Variants in PZP observed in about 807,000 individuals in gnomAD.
PZP encodes the protein PZP alpha-2-macroglobulin like, also known as pregnancy zone protein.
A neutral mutation model predicts 179.8 loss-of-function variants in PZP; 150 were observed. The observed-to-expected ratio is 0.83, with a 90% CI of 0.73 to 0.96. The LOEUF is 0.96. Among genes scored for constraint, PZP ranks in the 40% least tolerant of loss-of-function variants. PZP has a pLI of 0.00. For synonymous variants in PZP, 624 were observed against 652.3 expected (o/e 0.96, Z 0.66); for missense variants, 1,689 against 1,764.0 (o/e 0.96, Z 0.76).
At position 9,170,823 on chromosome 12, in the gene PZP, T is replaced by A. The variant is rs983045966; in HGVS notation, c.1840-1232A>T. 5.9e-5 allele frequency among the ~76,000 whole-genome samples: 9 copies of A among 152,088 alleles called. No individual in the cohort carries two copies. The highest frequency in any genetic ancestry group is 1.9e-4 in the African/African-American group (8 of 41,402). ...GGGGCTTCAGGTACTCCAGCCAGGGTTCTAAAGACAGAGCTTTGATCTCTC... is the reference window on the plus strand; with the variant it reads ...GGGGCTTCAGGTACTCCAGCCAGGGATCTAAAGACAGAGCTTTGATCTCTC... On this transcript the variant is annotated intron_variant, in intron 15 of 35. Coordinates refer to ENST00000261336, the MANE Select transcript of PZP (RefSeq NM_002864.3). The surrounding 1 kb of genome is among the most constrained non-coding windows in gnomAD (Gnocchi z 4.6).
intron 29 of PZP, 134 bp from the exon 30 acceptor site, chr12:9,153,477 T>C: frequency 1.6e-6 from 1 of 624,688 alleles, no homozygotes; most frequent in Non-Finnish European, 2.8e-6. Flanking sequence ...CTAATTACCT[T>C]TCCTTTTTCT....
In PZP at chr12:9,171,358, A is replaced by C. The variant is rs765497064; in HGVS notation, c.1840-1767T>G. ...CTAACACAAATCTAATTCAAAGGGC[A>C]GCAGCCTCAAGGATTAAAGGTAGAT... On this transcript the variant is annotated intron_variant, in intron 15 of 35. Transcript: ENST00000261336. Among the ~76,000 whole-genome samples the C allele has an allele frequency of 3.3e-5, 5 of 152,338 alleles. No homozygotes were observed. The South Asian group carries it at 1.0e-3, about 32-fold the overall frequency.
rs1352802866 is a variant in PZP, at chr12:9,182,021, A to G, written c.1643T>C (p.Val548Ala). Reference sequence around the variant, plus strand: ...AATCTCAAATTTTTCAGAGTCTCCAACAACTTCTCCATCTGGTAAAATGGC... The same window carrying G: ...AATCTCAAATTTTTCAGAGTCTCCAGCAACTTCTCCATCTGGTAAAATGGC... ...IFAILPDGEV[V>A]GDSEKFEIEN... The change falls in exon 14 of 36, where the codon GTT becomes GCT. Residue 548 changes from valine to alanine, a missense_variant. By Grantham distance (64) the Val-to-Ala change is moderately conservative (BLOSUM62 0). Coordinates refer to ENST00000261336, the MANE Select transcript of PZP (RefSeq NM_002864.3). 1.9e-6 allele frequency: 3 copies of G among 1,613,968 alleles called. No individual in the cohort carries two copies. The highest frequency in any genetic ancestry group is 1.6e-4 in the Middle Eastern group (1 of 6,062).
chr12:9,197,658 AAAATTATT>A (rs1943885979), intron 7 of PZP, among the ~76,000 whole-genome samples: 1 of 108,012 alleles, frequency 9.3e-6, no homozygotes, highest in African/African-American at 3.9e-5. Flanking sequence ...AATATAATAT[AAAATTATT>A]ATATATATTA....
chr12:9,152,272 A>ACAAT lies in PZP; in HGVS notation c.4156_4159dup (p.Val1387AspfsTer3), dbSNP rs758711457. ...AAAACCAGATACCATCTTTACATCA[A>ACAAT]CAATCACCATATTGGAAGCAGGACG... On this transcript the variant is annotated frameshift_variant, in exon 32 of 36. Coordinates refer to ENST00000261336, the MANE Select transcript of PZP (RefSeq NM_002864.3). LOFTEE classifies it high-confidence loss of function. 6.2e-7 allele frequency: 1 copy of ACAAT among 1,613,408 alleles called. No individual in the cohort carries two copies. The highest frequency in any genetic ancestry group is 2.2e-5 in the East Asian group (1 of 44,854).
At position 9,200,353 on chromosome 12, in the gene PZP, A is replaced by G; in HGVS notation, c.755+11T>C. On this transcript the variant is annotated intron_variant, in intron 7 of 35. Transcript: ENST00000261336. ...AAATATAAAATTTTAGATAAAAACA[A>G]TGTAACTCACTCTCCACAGACTGTT... 6.4e-7 allele frequency: 1 copy of G among 1,560,790 alleles called. No individual in the cohort carries two copies. The highest frequency in any genetic ancestry group is 8.8e-7 in the Non-Finnish European group (1 of 1,137,786).
intron 28 of PZP, among the ~76,000 whole-genome samples, chr12:9,155,298 T>G (rs1189238152): frequency 2.0e-5 from 3 of 152,098 alleles, no homozygotes; most frequent in Non-Finnish European, 2.9e-5. Flanking sequence ...TTTTCTTTCT[T>G]TTTTTTTCTC....
At chr12:9,174,100 C>G (rs1942193988) in intron 15 of PZP, among the ~76,000 whole-genome samples, 1 of 152,176 alleles carries the variant, frequency 6.6e-6, no homozygotes, top group Non-Finnish European at 1.5e-5. Context: ...CAAACCAAAT[C>G]CAGCAGCACG....
rs1940932002 is a variant in PZP, at chr12:9,158,580, G to T, written c.3138-4C>A. ...CTTCAGTACAAAAGCTGTGAGCCTA[G>T]GGGGAGGAAAAATGCAGTGCTGAGG... is the stretch of plus-strand genomic sequence containing the variant. On this transcript the variant is annotated splice_polypyrimidine_tract_variant and splice_region_variant and intron_variant, in intron 25 of 35. Transcript: ENST00000261336. The T allele has an allele frequency of 1.2e-6, 2 of 1,613,714 alleles. No homozygotes were observed. Among genetic ancestry groups the T allele is most frequent in the African/African-American group, 2.7e-5 (2 of 74,900 alleles).
At chr12:9,146,437 G>A (rs1304021457), downstream of PZP, among the ~76,000 whole-genome samples, 2 of 151,990 alleles carry the variant, frequency 1.3e-5, no homozygotes, top group Non-Finnish European at 2.9e-5. Flanking sequence ...TGACTTCAGT[G>A]AGCATCTTTA....
chr12:9,207,359 C>T (rs1944488132), intron 1 of PZP, among the ~76,000 whole-genome samples: 2 of 152,172 alleles, frequency 1.3e-5, no homozygotes, highest in Admixed American at 1.3e-4. Context: ...AGAGTTCTCA[C>T]CATTCTCTGG....
intron 13 of PZP, among the ~76,000 whole-genome samples, chr12:9,191,315 G>T (rs1037878661): frequency 5.9e-5 from 9 of 151,870 alleles, no homozygotes; most frequent in Admixed American, 5.2e-4. Flanking sequence ...TACACAGTGG[G>T]GTCCATTCTC....
intron 13 of PZP, among the ~76,000 whole-genome samples, chr12:9,183,082 T>C (rs1341496143): frequency 6.6e-6 from 1 of 152,250 alleles, no homozygotes; most frequent in Non-Finnish European, 1.5e-5. Flanking sequence ...ACAATTAGAA[T>C]TGTAGAAGAA....
At chr12:9,138,423 A>AT in the PZP span, among the ~76,000 whole-genome samples, 1 of 151,086 alleles carries the variant, frequency 6.6e-6, no homozygotes, top group African/African-American at 2.4e-5. Context: ...TTTTTAAAAT[A>AT]TTTTTTGCAT....
At chr12:9,198,518 C>G (rs373923625) in intron 7 of PZP, among the ~76,000 whole-genome samples, 101 of 152,106 alleles carry the variant, frequency 6.6e-4, no homozygotes, top group African/African-American at 2.4e-3. Context: ...CACAGACACA[C>G]GCACACGTGC....
At chr12:9,142,550 C>T in the PZP span, among the ~76,000 whole-genome samples, 1 of 152,124 alleles carries the variant, frequency 6.6e-6, no homozygotes, top group Non-Finnish European at 1.5e-5. Flanking sequence ...TTTACTTTTC[C>T]TCTAAAAATA....
At chr12:9,157,026 A>G (rs1940807158) in intron 28 of PZP, 149 bp downstream of exon 28, 1 of 619,784 alleles carries the variant, frequency 1.6e-6, no homozygotes, top group Non-Finnish European at 2.6e-6. Flanking sequence ...GTATCAGCCC[A>G]TCACCTGGTT....
rs759905045 is a variant in PZP at position 9,196,796 on chromosome 12, T to C, written c.868-111A>G. The C allele has an allele frequency of 8.7e-6, 8 of 914,338 alleles. No homozygotes were observed. In the South Asian group the frequency reaches 1.0e-4, roughly 12 times the overall value. The allele number at this position is 914,338 out of a possible 1,614,324, so 56.6% of individuals were successfully genotyped here. A position where few individuals can be genotyped will look rare whatever the true frequency, so the allele number is the denominator to read the frequency against. On this transcript the variant is annotated intron_variant, in intron 8 of 35. Transcript: ENST00000261336. ...AAACTTTTTTTTTGCATTAAGTAAG[T>C]TAATTGACCTTCGAGAACTTAATAC...
intron 7 of PZP, 63 bp from the exon 8 acceptor site, chr12:9,197,186 T>G: frequency 5.6e-6 from 6 of 1,069,682 alleles, no homozygotes; most frequent in Non-Finnish European, 8.6e-6. Flanking sequence ...CTACCACTCC[T>G]CCACAGAACT....
Sources: allele counts gnomAD v4.1 joint callset (sites outside exome capture counted in the v4.1 genomes callset), GRCh38; gene constraint gnomAD v4.1.1; non-coding constraint Gnocchi (gnomAD v3.1); transcripts MANE v1.5; gene names NCBI Gene and HGNC (gene_info 2026-07-23, HGNC 2026-07-21).